The following NKAIN2 variants were observed in gnomAD, a reference collection of about 807,000 sequenced individuals.
NKAIN2 encodes the protein sodium/potassium-transporting ATPase subunit beta-1-interacting protein 2.
In NKAIN2, 14 loss-of-function variants were observed where a neutral mutation model predicts 32.6. The ratio of observed to expected loss-of-function variants is 0.43; its 90% CI spans 0.28 to 0.67. The LOEUF is 0.67. NKAIN2 is among the 30% of genes least tolerant of loss of function. The probability of loss-of-function intolerance (pLI) is 0.17; values close to 1 mark genes in which losing one functional copy is unlikely to be tolerated. For missense variants in NKAIN2, 198 were observed against 258.3 expected (o/e 0.77, Z 1.60); for synonymous variants, 80 against 87.2 (o/e 0.92, Z 0.46).
intron 1 of NKAIN2, among the ~76,000 whole-genome samples, chr6:124,054,090 A>G (rs139951868): frequency 6.6e-5 from 10 of 152,228 alleles, no homozygotes; most frequent in South Asian, 2.1e-4. Context: ...TACTTCAAAG[A>G]AAAGTCATAG....
chr6:123,926,456 TCC>T (rs1776007683), intron 1 of NKAIN2, among the ~76,000 whole-genome samples: 12 of 150,394 alleles, frequency 8.0e-5, no homozygotes, highest in Admixed American at 6.0e-4. Flanking sequence ...TGCCCACTGC[TCC>T]GTTCCCCAGA....
intron 1 of NKAIN2, among the ~76,000 whole-genome samples, chr6:124,068,781 C>T (rs961168448): frequency 1.4e-5 from 2 of 140,178 alleles, no homozygotes; most frequent in African/African-American, 2.7e-5. Flanking sequence ...CAGCAACCAC[C>T]GTAACTACAC....
At chr6:124,601,919 A>G (rs1352442619) in intron 3 of NKAIN2, among the ~76,000 whole-genome samples, 1 of 151,942 alleles carries the variant, frequency 6.6e-6, no homozygotes, top group East Asian at 1.9e-4. Context: ...CTTAGGTCCA[A>G]CCATTTATTT....
At chr6:124,364,250 A>AAAGAG (rs3054409) in intron 3 of NKAIN2, among the ~76,000 whole-genome samples, 1,651 of 139,736 alleles carry the variant, frequency 0.012, 23 homozygotes, top group African/African-American at 0.03. Flanking sequence ...AAAAAAAAAA[A>AAAGAG]AGAGAGAAAA....
intron 3 of NKAIN2, among the ~76,000 whole-genome samples, chr6:124,630,159 C>T (rs989663089): frequency 3.3e-5 from 5 of 151,994 alleles, no homozygotes; most frequent in Non-Finnish European, 7.4e-5. Flanking sequence ...GAAGTATATA[C>T]GGGCAAATAA....
intron 4 of NKAIN2, among the ~76,000 whole-genome samples, chr6:124,685,497 A>G (rs912097143): frequency 3.9e-5 from 6 of 152,192 alleles, no homozygotes; most frequent in Non-Finnish European, 8.8e-5. Context: ...CAACTTTGGT[A>G]TTTTTATGAG....
intron 1 of NKAIN2, among the ~76,000 whole-genome samples, chr6:124,096,459 G>A (rs1344466978): frequency 1.3e-5 from 2 of 152,118 alleles, no homozygotes; most frequent in Admixed American, 1.3e-4. Context: ...TTTCCTAATT[G>A]TTTTTAGTTA....
chr6:124,807,046 T>C (rs1780602481), intron 5 of NKAIN2, among the ~76,000 whole-genome samples: 1 of 152,032 alleles, frequency 6.6e-6, no homozygotes, highest in Non-Finnish European at 1.5e-5. Flanking sequence ...AATGGGAGAC[T>C]TTAACACCCC....
At chr6:123,940,540 G>T (rs1776767707) in intron 1 of NKAIN2, among the ~76,000 whole-genome samples, 1 of 151,992 alleles carries the variant, frequency 6.6e-6, no homozygotes, top group South Asian at 2.1e-4. Context: ...ATAGCATTTT[G>T]CTCCCAGGCT....
chr6:124,390,128 T>C (rs1238042941), intron 3 of NKAIN2, among the ~76,000 whole-genome samples: 3 of 152,138 alleles, frequency 2.0e-5, no homozygotes, highest in Admixed American at 1.3e-4. Flanking sequence ...GGTTTTTCTC[T>C]AGTCCTTTTC....
At chr6:124,131,297 G>A (rs183919227) in intron 1 of NKAIN2, among the ~76,000 whole-genome samples, 204 of 152,080 alleles carry the variant, frequency 1.3e-3, no homozygotes, top group South Asian at 3.7e-3. Context: ...GGTGCATGCC[G>A]CCACGTCTGG....
At chr6:124,661,114 C>T (rs1403819065) in intron 4 of NKAIN2, among the ~76,000 whole-genome samples, 9 of 152,184 alleles carry the variant, frequency 5.9e-5, no homozygotes, top group Non-Finnish European at 1.3e-4. Flanking sequence ...GAGGCTGTCA[C>T]AGTCAAATAT....
intron 1 of NKAIN2, among the ~76,000 whole-genome samples, chr6:124,037,932 C>G (rs1455825918): frequency 6.6e-6 from 1 of 152,110 alleles, no homozygotes; most frequent in Non-Finnish European, 1.5e-5. Flanking sequence ...GAAGGAAAGG[C>G]CCATGATTGG....
At chr6:124,399,754 G>A in intron 3 of NKAIN2, among the ~76,000 whole-genome samples, 1 of 152,144 alleles carries the variant, frequency 6.6e-6, no homozygotes. Flanking sequence ...CAAGTATTAG[G>A]TACAATTAAT....
intron 1 of NKAIN2, among the ~76,000 whole-genome samples, chr6:123,909,986 GCCA>G (rs1775090837): frequency 6.6e-6 from 1 of 151,370 alleles, no homozygotes; most frequent in African/African-American, 2.4e-5. Context: ...AGAAAAGTCT[GCCA>G]TAAAAAAAAA....
chr6:124,122,501 A>T (rs910913413), intron 1 of NKAIN2, among the ~76,000 whole-genome samples: 6 of 152,112 alleles, frequency 3.9e-5, no homozygotes, highest in South Asian at 2.1e-4. Context: ...AAAGCTCAAC[A>T]AGGGGAAAGT....
At chr6:124,676,875 A>G (rs1562318968) in intron 4 of NKAIN2, among the ~76,000 whole-genome samples, 1 of 152,174 alleles carries the variant, frequency 6.6e-6, no homozygotes, top group Non-Finnish European at 1.5e-5. Flanking sequence ...TTTCACATTT[A>G]GCCCATGTGA....
intron 3 of NKAIN2, among the ~76,000 whole-genome samples, chr6:124,471,553 G>T (rs1047741332): frequency 1.4e-4 from 22 of 152,032 alleles, no homozygotes; most frequent in Non-Finnish European, 2.2e-4. Context: ...CAGTACATCA[G>T]CTGCTTTATT....
Position 124,632,918 on chromosome 6 carries a change from G to A in NKAIN2, c.274-25268G>A, listed in dbSNP as rs114778314. 7.8e-3 allele frequency among the ~76,000 whole-genome samples: 1,188 copies of A among 152,248 alleles called. 10 individuals are homozygous for A. Among genetic ancestry groups the A allele is most frequent in the African/African-American group, 0.015 (632 of 41,554 alleles). On this transcript the variant is annotated intron_variant, in intron 3 of 6. Transcript: ENST00000368417. ...AATGTAACTCTATTGTAAATGCAAG[G>A]TACAATTAATTTTGGCTTAGAATTG...
Sources: allele counts gnomAD v4.1 joint callset (sites outside exome capture counted in the v4.1 genomes callset), GRCh38; gene constraint gnomAD v4.1.1; transcripts MANE v1.5; gene names NCBI Gene and HGNC (gene_info 2026-07-23, HGNC 2026-07-21).